Variants in QKI observed in about 807,000 individuals in gnomAD.
QKI encodes QKI, KH domain containing RNA binding.
Under a neutral mutation model 39.0 loss-of-function variants are expected in QKI, and 10 were observed. The ratio of observed to expected loss-of-function variants is 0.26; its 90% CI spans 0.16 to 0.43. QKI has a LOEUF of 0.43. Among genes scored for constraint, QKI ranks in the 20% least tolerant of loss-of-function variants. The pLI is 1.00. For missense variants in QKI, 218 were observed against 428.0 expected, an observed-to-expected ratio of 0.51 and a Z score of 4.33; for synonymous variants, 204 against 155.4, an observed-to-expected ratio of 1.31 and a Z score of -2.33.
chr6:163,426,839 A>G (rs1484966557), intron 1 of QKI, among the ~76,000 whole-genome samples: 1 of 152,206 alleles, frequency 6.6e-6, no homozygotes, highest in East Asian at 1.9e-4. Flanking sequence ...ATGGAGACCA[A>G]TGAATTTTTT....
At chr6:163,425,281 C>A (rs1315126819) in intron 1 of QKI, among the ~76,000 whole-genome samples, 1 of 152,008 alleles carries the variant, frequency 6.6e-6, no homozygotes, top group Non-Finnish European at 1.5e-5. Context: ...GAAATAGGTA[C>A]GGATTTAGTT....
At chr6:163,494,752 C>A (rs1778296042) in intron 3 of QKI, among the ~76,000 whole-genome samples, 1 of 151,452 alleles carries the variant, frequency 6.6e-6, no homozygotes, top group African/African-American at 2.4e-5. Flanking sequence ...AAGCATAGTG[C>A]TGAGGTGGTG....
intron 3 of QKI, among the ~76,000 whole-genome samples, chr6:163,490,285 A>G (rs1016777056): frequency 8.5e-5 from 13 of 152,180 alleles, no homozygotes; most frequent in African/African-American, 3.1e-4. Context: ...ATTACCTTCT[A>G]CCATAGTTAA....
intron 3 of QKI, among the ~76,000 whole-genome samples, chr6:163,493,998 T>C (rs1202998583): frequency 6.6e-6 from 1 of 151,952 alleles, no homozygotes; most frequent in Non-Finnish European, 1.5e-5. Context: ...TAAAAAATTA[T>C]ACATGCAGAA....
At chr6:163,534,657 G>A (rs1164943822) in intron 3 of QKI, among the ~76,000 whole-genome samples, 1 of 152,156 alleles carries the variant, frequency 6.6e-6, no homozygotes, top group Admixed American at 6.5e-5. Context: ...AGTATCAGAT[G>A]TATGTTGTAT....
At chr6:163,543,042 C>CAT (rs1781642256) in intron 4 of QKI, among the ~76,000 whole-genome samples, 1 of 151,964 alleles carries the variant, frequency 6.6e-6, no homozygotes, top group Non-Finnish European at 1.5e-5. Flanking sequence ...TTCTGTCTGC[C>CAT]ATATGCATTT....
intron 1 of QKI, among the ~76,000 whole-genome samples, chr6:163,433,707 C>T (rs986067179): frequency 1.3e-5 from 2 of 151,932 alleles, no homozygotes; most frequent in African/African-American, 4.8e-5. Flanking sequence ...GCAGAGGTTG[C>T]AGTGAGCTGA....
intron 6 of QKI, chr6:163,563,935 G>A (rs1394618538): frequency 5.1e-5 from 72 of 1,398,376 alleles, no homozygotes; most frequent in Non-Finnish European, 6.0e-5. Context: ...GGTAACTGAG[G>A]TTCAGTTTGG....
In QKI at chr6:163,415,017, GGGC is replaced by G; in HGVS notation, c.-175_-173del. ...CGGGCGGAAAGTGCCTGCGGGGGGC[GGGC>G]GAGCGCGCGGTGCCGGCCGCCCCGG... On this transcript the variant is annotated 5_prime_UTR_variant, in exon 1 of 8. Coordinates refer to ENST00000361752, the MANE Select transcript of QKI (RefSeq NM_006775.3). 1 of 537,322 alleles carries G rather than the reference GGGC, an allele frequency of 1.9e-6. No individual in the cohort carries two copies. Among genetic ancestry groups the G allele is most frequent in the Non-Finnish European group, 2.4e-6 (1 of 423,686 alleles). The allele number at this position is 537,322 out of a possible 1,614,324, so 33.3% of individuals were successfully genotyped here.
At chr6:163,419,073 T>A (rs1787780935) in intron 1 of QKI, among the ~76,000 whole-genome samples, 1 of 152,172 alleles carries the variant, frequency 6.6e-6, no homozygotes, top group African/African-American at 2.4e-5. Context: ...GAATGCCGTA[T>A]TACTGATTTG....
chr6:163,511,680 A>G (rs1480772151), intron 3 of QKI, among the ~76,000 whole-genome samples: 2 of 152,034 alleles, frequency 1.3e-5, no homozygotes, highest in African/African-American at 4.8e-5. Context: ...TATTGATTAG[A>G]GAAGCTGAAT....
At chr6:163,465,748 C>G (rs1331221903) in intron 2 of QKI, among the ~76,000 whole-genome samples, 2 of 151,832 alleles carry the variant, frequency 1.3e-5, no homozygotes, top group African/African-American at 4.8e-5. Context: ...GAAATCTGTT[C>G]ACTTAGTCAA....
At chr6:163,504,653 G>T (rs1340312511) in intron 3 of QKI, among the ~76,000 whole-genome samples, 1 of 152,144 alleles carries the variant, frequency 6.6e-6, no homozygotes, top group Non-Finnish European at 1.5e-5. Flanking sequence ...TTGGCTGTCA[G>T]CTTGAATGTT....
intron 3 of QKI, among the ~76,000 whole-genome samples, chr6:163,506,752 A>G (rs7761088): frequency 0.84 from 127,628 of 152,140 alleles, 54,144 homozygotes; most frequent in East Asian, 1. Flanking sequence ...AATGCTTACC[A>G]TGACCCTTAG....
At chr6:163,521,140 A>G (rs1275847938) in intron 3 of QKI, among the ~76,000 whole-genome samples, 1 of 152,126 alleles carries the variant, frequency 6.6e-6, no homozygotes, top group Non-Finnish European at 1.5e-5. Flanking sequence ...ATCTAGTATT[A>G]TATTTTTAAT....
chr6:163,553,599 G>A (rs1034013986), intron 4 of QKI, among the ~76,000 whole-genome samples: 2 of 151,828 alleles, frequency 1.3e-5, no homozygotes, highest in East Asian at 3.9e-4. Flanking sequence ...CCGGAGTTGT[G>A]AATCATATAA....
At chr6:163,420,929 C>T (rs1787949042) in intron 1 of QKI, among the ~76,000 whole-genome samples, 1 of 152,088 alleles carries the variant, frequency 6.6e-6, no homozygotes, top group African/African-American at 2.4e-5. Context: ...ACCTGTCTGC[C>T]CTCTTAAAAT....
Position 163,480,280 on chromosome 6 carries a change from T to TCTTC in QKI, c.402+1400_402+1403dup, listed in dbSNP as rs765230677. On this transcript the variant is annotated intron_variant, in intron 3 of 7. Coordinates refer to ENST00000361752, the MANE Select transcript of QKI (RefSeq NM_006775.3). ...CTCTTTCTCTCTCTCTCTCTCTCTT[T>TCTTC]CTTCCTTCCTTCCTTCCTTTCTTTC... Among the ~76,000 whole-genome samples, 510 of 152,212 alleles carry TCTTC rather than the reference T, an allele frequency of 3.4e-3. 4 individuals are homozygous for TCTTC. Among genetic ancestry groups the TCTTC allele is most frequent in the African/African-American group, 0.011 (475 of 41,528 alleles).
At chr6:163,544,844 T>C (rs1319567611) in intron 4 of QKI, among the ~76,000 whole-genome samples, 1 of 152,160 alleles carries the variant, frequency 6.6e-6, no homozygotes, top group African/African-American at 2.4e-5. Flanking sequence ...AGTTGTTCAA[T>C]TCAGGTGAGA....
Sources: gnomAD v4.1 joint callset for allele counts (sites outside exome capture counted in the v4.1 genomes callset) on GRCh38, gnomAD v4.1.1 for gene constraint, MANE v1.5 for transcripts, NCBI Gene and HGNC (gene_info 2026-07-23, HGNC 2026-07-21) for gene names.